The following CSMD1 variants were observed in gnomAD, a reference collection of about 807,000 sequenced individuals.
CSMD1 encodes the protein CUB and Sushi multiple domains 1.
A neutral mutation model predicts 417.5 loss-of-function variants in CSMD1; 213 were observed. That is an observed-to-expected ratio of 0.51 (90% confidence interval 0.46 to 0.57). CSMD1 has a LOEUF of 0.57. Among genes scored for constraint, CSMD1 ranks in the 20% least tolerant of loss-of-function variants. The probability of loss-of-function intolerance (pLI) is 0.00; values close to 1 mark genes in which losing one functional copy is unlikely to be tolerated. For synonymous variants in CSMD1, 2,862 were observed against 1,736.8 expected (o/e 1.65, Z -16.11); for missense variants, 6,923 against 4,529.7 (o/e 1.53, Z -15.17).
chr8:4,760,612 T>A (rs1368128131), intron 1 of CSMD1, among the ~76,000 whole-genome samples: 2 of 152,206 alleles, frequency 1.3e-5, no homozygotes, highest in Admixed American at 6.5e-5. Context: ...TAGAAAAATA[T>A]AAAATACAGC....
intron 26 of CSMD1, among the ~76,000 whole-genome samples, chr8:3,248,671 T>G (rs1800057591): frequency 6.6e-6 from 1 of 152,026 alleles, no homozygotes. Context: ...ATACTTGATT[T>G]GTTTTTATTT....
chr8:3,890,448 A>G (rs1036541056), intron 5 of CSMD1, among the ~76,000 whole-genome samples: 4 of 151,966 alleles, frequency 2.6e-5, no homozygotes, highest in Non-Finnish European at 4.4e-5. Context: ...CTTGGAGGAG[A>G]CTGAGGATTC....
intron 5 of CSMD1, among the ~76,000 whole-genome samples, chr8:3,763,779 G>A (rs1798131378): frequency 1.3e-5 from 2 of 152,020 alleles, no homozygotes; most frequent in Non-Finnish European, 2.9e-5. Flanking sequence ...CAATGACCAG[G>A]GCTCCATATT....
chr8:4,408,195 G>A (rs887282858), intron 3 of CSMD1, among the ~76,000 whole-genome samples: 1 of 152,230 alleles, frequency 6.6e-6, no homozygotes, highest in South Asian at 2.1e-4. Flanking sequence ...AATCAGTGTT[G>A]CAAGTTGACA....
intron 4 of CSMD1, among the ~76,000 whole-genome samples, chr8:4,012,855 C>G (rs1465128856): frequency 6.6e-6 from 1 of 152,124 alleles, no homozygotes; most frequent in Non-Finnish European, 1.5e-5. Context: ...ACGGTGCCAT[C>G]CATGACTCTT....
At chr8:4,633,532 A>G (rs541199717) in intron 2 of CSMD1, among the ~76,000 whole-genome samples, 2 of 151,018 alleles carry the variant, frequency 1.3e-5, no homozygotes, top group East Asian at 4.0e-4. Context: ...TACAGGTAAG[A>G]GCCGCCATGC....
intron 5 of CSMD1, among the ~76,000 whole-genome samples, chr8:3,801,522 G>A (rs77675019): frequency 0.015 from 2,304 of 152,140 alleles, 47 homozygotes; most frequent in East Asian, 0.038. Context: ...GTTGCTTGTC[G>A]GAAAGTAAAA....
chr8:4,655,205 C>A (rs944165717), intron 1 of CSMD1, among the ~76,000 whole-genome samples: 2 of 151,976 alleles, frequency 1.3e-5, no homozygotes, highest in African/African-American at 4.8e-5. Context: ...TTTTCATGAA[C>A]TTCGTTTCCT....
rs889097426 is a variant in CSMD1 at position 2,938,308 on chromosome 8, C to T, written c.*277G>A. On this transcript the variant is annotated 3_prime_UTR_variant, in exon 70 of 70. Coordinates refer to ENST00000635120, the MANE Select transcript of CSMD1 (RefSeq NM_033225.6). ...AGGCATTGAGTATGACGTGTTGGCG[C>T]GACGTGGCAGTCTTCCTGGAGTGTG... 16 of 365,688 alleles carry T rather than the reference C, an allele frequency of 4.4e-5. No homozygotes were observed. Among genetic ancestry groups the T allele is most frequent in the African/African-American group, 2.7e-4 (13 of 47,980 alleles). 22.7% of individuals were successfully genotyped at this position (365,688 alleles called of 1,614,324 possible).
chr8:2,977,795 C>A (rs895276865), intron 55 of CSMD1, among the ~76,000 whole-genome samples: 6 of 152,086 alleles, frequency 3.9e-5, no homozygotes, highest in Admixed American at 3.3e-4. Flanking sequence ...CAAAAGAAGA[C>A]ATTTATGTGG....
rs34704649 is a variant in CSMD1 at position 4,639,251 on chromosome 8, ATT to A, written c.86-1695_86-1694del. 2.6e-3 allele frequency among the ~76,000 whole-genome samples: 341 copies of A among 131,386 alleles called. 2 individuals carry two copies. Among genetic ancestry groups the A allele is most frequent in the African/African-American group, 7.5e-3 (261 of 35,008 alleles). 86.2% of individuals were successfully genotyped at this position (131,386 alleles called of 152,430 possible). On this transcript the variant is annotated intron_variant, in intron 1 of 69. Coordinates refer to ENST00000635120, the MANE Select transcript of CSMD1 (RefSeq NM_033225.6). ...GCTAATTTGGTCCCTGTGGTTGTCA[ATT>A]TTTTTTTTTTTTTTTTGGTCTGTTC...
At chr8:3,183,107 A>G (rs1391087915) in intron 36 of CSMD1, 1 of 151,308 alleles carries the variant, frequency 6.6e-6, no homozygotes, top group African/African-American at 2.4e-5. Flanking sequence ...CGCCTAATCT[A>G]TCTATCCCTG....
chr8:3,082,163 C>T (rs778481812), intron 49 of CSMD1, among the ~76,000 whole-genome samples: 44 of 152,182 alleles, frequency 2.9e-4, no homozygotes, highest in Non-Finnish European at 1.2e-4. Flanking sequence ...CTTCATATCC[C>T]TCAAACACAC....
At chr8:4,961,461 A>C (rs181032849) in intron 1 of CSMD1, among the ~76,000 whole-genome samples, 107 of 152,268 alleles carry the variant, frequency 7.0e-4, no homozygotes, top group African/African-American at 2.3e-3. Context: ...TTTCCTCAAT[A>C]CAGTGAAACA....
chr8:3,284,628 T>G (rs1803009397), intron 25 of CSMD1: 1 of 394,676 alleles, frequency 2.5e-6, no homozygotes, highest in African/African-American at 2.0e-5. Flanking sequence ...GGATTGCTTT[T>G]GAGACTTCCA....
intron 1 of CSMD1, among the ~76,000 whole-genome samples, chr8:4,751,971 T>C (rs924037348): frequency 2.6e-5 from 4 of 152,168 alleles, no homozygotes; most frequent in African/African-American, 9.7e-5. Context: ...AATATATACA[T>C]ATACACGACT....
intron 1 of CSMD1, among the ~76,000 whole-genome samples, chr8:4,770,734 G>T (rs1467357650): frequency 1.3e-5 from 2 of 152,036 alleles, no homozygotes; most frequent in Non-Finnish European, 2.9e-5. Flanking sequence ...GTCAAAAAAT[G>T]GTGTTAGGAA....
chr8:3,507,965 C>G (rs1796900886), intron 10 of CSMD1, among the ~76,000 whole-genome samples: 1 of 152,138 alleles, frequency 6.6e-6, no homozygotes, highest in South Asian at 2.1e-4. Flanking sequence ...GTTGCCTGTT[C>G]ACTCTGATGT....
At chr8:4,181,837 C>A (rs1468014292) in intron 3 of CSMD1, among the ~76,000 whole-genome samples, 2 of 152,100 alleles carry the variant, frequency 1.3e-5, no homozygotes, top group East Asian at 1.9e-4. Flanking sequence ...TACATTCGTA[C>A]AAATAAAATG....
Sources: allele counts gnomAD v4.1 joint callset (sites outside exome capture counted in the v4.1 genomes callset), GRCh38; gene constraint gnomAD v4.1.1; transcripts MANE v1.5; gene names NCBI Gene and HGNC (gene_info 2026-07-23, HGNC 2026-07-21).